TMPRSS9: variants seen among roughly 807,000 people sequenced by gnomAD.
The protein encoded by TMPRSS9 is transmembrane protease serine 9.
Under a neutral mutation model 111.4 loss-of-function variants are expected in TMPRSS9, and 113 were observed. The observed-to-expected ratio is 1.01, with a 90% CI of 0.87 to 1.19. The LOEUF is 1.19. TMPRSS9 is among the 50% of genes most tolerant of loss of function. TMPRSS9 has a pLI of 0.00. For synonymous variants in TMPRSS9, 805 were observed against 659.1 expected, an observed-to-expected ratio of 1.22 and a Z score of -3.39; for missense variants, 1,803 against 1,513.1, an observed-to-expected ratio of 1.19 and a Z score of -3.18.
chr19:2,420,687 G>T (rs1480246728), intron 13 of TMPRSS9, among the ~76,000 whole-genome samples: 6 of 151,984 alleles, frequency 3.9e-5, no homozygotes, highest in Admixed American at 3.9e-4. Context: ...AACCTCTCTG[G>T]GACTCTGATC....
chr19:2,370,545 G>T (rs1599274893), intron 1 of TMPRSS9, among the ~76,000 whole-genome samples: 2 of 152,046 alleles, frequency 1.3e-5, no homozygotes, highest in South Asian at 4.2e-4. Context: ...CCTCAGGCTG[G>T]TCTCAACCCC....
chr19:2,383,795 C>T (rs972749160), intron 1 of TMPRSS9, among the ~76,000 whole-genome samples: 4 of 150,174 alleles, frequency 2.7e-5, no homozygotes, highest in African/African-American at 7.3e-5. Flanking sequence ...CAGAGTGAGA[C>T]CCCCCCATCT....
At chr19:2,395,651 G>A (rs764594526) in intron 1 of TMPRSS9, among the ~76,000 whole-genome samples, 4 of 151,206 alleles carry the variant, frequency 2.6e-5, no homozygotes, top group African/African-American at 4.9e-5. Context: ...GGAGGCGGAG[G>A]TTACAGTGAG....
intron 9 of TMPRSS9, 79 bp downstream of exon 10, chr19:2,410,473 T>TA: frequency 6.5e-7 from 1 of 1,546,596 alleles, no homozygotes; most frequent in Non-Finnish European, 8.7e-7. Flanking sequence ...AATTCACAGA[T>TA]ATCTGGATGC....
intron 1 of TMPRSS9, among the ~76,000 whole-genome samples, chr19:2,390,389 GC>G (rs1568175194): frequency 3.3e-5 from 5 of 150,162 alleles, no homozygotes; most frequent in Non-Finnish European, 7.4e-5. Flanking sequence ...GACTACAGGC[GC>G]CCGCCACCAC....
rs1198106187 is a variant in TMPRSS9 at position 2,390,231 on chromosome 19, G to GTTTTTTTTTTTTTTTTTTTTTTTT, written c.142+315_142+316insTTTTTTTTTTTTTTTTTTTTTTTT. On this transcript the variant is annotated intron_variant, in intron 1 of 17. Transcript: ENST00000648592. ...GCAAATCAGCAAAATACCCAAAGTAGTTTTTTTTTTTGTTTTTTTTTTTTT... is the reference window on the plus strand; with the variant it reads ...GCAAATCAGCAAAATACCCAAAGTAGTTTTTTTTTTTTTTTTTTTTTTTTTTTTTTTTTTTGTTTTTTTTTTTTT... 3.6e-5 allele frequency among the ~76,000 whole-genome samples: 4 copies of GTTTTTTTTTTTTTTTTTTTTTTTT among 110,570 alleles called. 2 individuals carry two copies. The highest frequency in any genetic ancestry group is 7.2e-5 in the African/African-American group (2 of 27,906). The allele number at this position is 110,570 out of a possible 152,430, so 72.5% of individuals were successfully genotyped here. A position where few individuals can be genotyped will look rare whatever the true frequency, so the allele number is the denominator to read the frequency against.
exon 10 of TMPRSS9, chr19:2,413,950 C>A (rs778738638): frequency 9.3e-6 from 15 of 1,611,940 alleles, no homozygotes; most frequent in Non-Finnish European, 1.3e-5. Context: ...GTGGTCAGCA[C>A]CCCCACCAAA....
chr19:2,397,110 G>A (rs1431043071), intron 2 of TMPRSS9, among the ~76,000 whole-genome samples: 4 of 151,516 alleles, frequency 2.6e-5, no homozygotes, highest in Non-Finnish European at 4.4e-5. Flanking sequence ...TAGTAGAGAC[G>A]GGGTTTCACC....
chr19:2,405,691 G>A, intron 7 of TMPRSS9, 146 bp downstream of exon 8: 1 of 740,380 alleles, frequency 1.4e-6, no homozygotes, highest in Non-Finnish European at 1.9e-6. Context: ...TGCTGTTGTT[G>A]AATCTGAGGG....
intron 1 of TMPRSS9, among the ~76,000 whole-genome samples, chr19:2,378,982 C>T (rs1008182906): frequency 1.3e-5 from 2 of 152,036 alleles, no homozygotes; most frequent in African/African-American, 2.4e-5. Context: ...TTAATGATCT[C>T]CACCTAGTCC....
rs370998175 is a variant in TMPRSS9 at position 2,408,305 on chromosome 19, C to T, written c.843-51C>T. The T allele has an allele frequency of 4.9e-5, 77 of 1,584,592 alleles. 1 individual carries two copies. Among genetic ancestry groups the T allele is most frequent in the East Asian group, 4.7e-4 (21 of 44,342 alleles). On this transcript the variant is annotated intron_variant, in intron 7 of 17. Transcript: ENST00000648592. ...CAAGGCGAGTGTCCCGTCTGCCTCCCCCGACGGCTCTGACCCTCGGTGGCT... is the reference window on the plus strand; with the variant it reads ...CAAGGCGAGTGTCCCGTCTGCCTCCTCCGACGGCTCTGACCCTCGGTGGCT...
At chr19:2,425,631 T>G (rs1971603868) in intron 17 of TMPRSS9, 138 bp downstream of exon 18, 5 of 1,370,574 alleles carry the variant, frequency 3.6e-6, no homozygotes, top group Non-Finnish European at 4.7e-6. Context: ...GGAGCCTTTT[T>G]GGCTCTGGAG....
chr19:2,386,729 C>T (rs1196971584), upstream of TMPRSS9, among the ~76,000 whole-genome samples: 6 of 152,216 alleles, frequency 3.9e-5, no homozygotes, highest in East Asian at 7.7e-4. Flanking sequence ...CAGTGGCTCA[C>T]ACCTGTCATC....
At chr19:2,402,043 C>T in intron 5 of TMPRSS9, 27 bp downstream of exon 6, 1 of 1,606,020 alleles carries the variant, frequency 6.2e-7, no homozygotes. Context: ...GGCCTTTTCT[C>T]TGATTGCAGT....
At chr19:2,376,003 C>T (rs563786476) in intron 1 of TMPRSS9, among the ~76,000 whole-genome samples, 1 of 152,078 alleles carries the variant, frequency 6.6e-6, no homozygotes, top group Non-Finnish European at 1.5e-5. Context: ...CGGCTCTCTC[C>T]GAAGTCAGCA....
exon 12 of TMPRSS9, chr19:2,416,748 G>T (rs764341567): frequency 1.2e-6 from 2 of 1,612,974 alleles, no homozygotes; most frequent in Non-Finnish European, 1.7e-6. Context: ...TGGCCATCCA[G>T]AAGTTCCCTG....
chr19:2,423,384 C>T (rs936038602), intron 14 of TMPRSS9, among the ~76,000 whole-genome samples: 12 of 149,426 alleles, frequency 8.0e-5, no homozygotes, highest in South Asian at 2.1e-4. Context: ...CAGGGCCAGA[C>T]GGTGCCAAGG....
At chr19:2,385,192 GGCGGGGCTCGA>G (rs1970453605), upstream of TMPRSS9, among the ~76,000 whole-genome samples, 1 of 104,154 alleles carries the variant, frequency 9.6e-6, no homozygotes, top group African/African-American at 5.6e-5. Context: ...GGCTCGCGGG[GGCGGGGCTCGA>G]GGGGGCGGGG....
rs1970862155 is a variant in TMPRSS9, at chr19:2,402,098, A to G, written c.556+82A>G. 2.7e-5 allele frequency: 39 copies of G among 1,441,082 alleles called. No homozygotes were observed. The South Asian group carries it at 4.3e-4, about 16-fold the overall frequency. 89.3% of individuals were successfully genotyped at this position (1,441,082 alleles called of 1,614,324 possible). A position where few individuals can be genotyped will look rare whatever the true frequency, so the allele number is the denominator to read the frequency against. The stretch of plus-strand genomic sequence containing the variant: ...AGACTCATTTCAAGGAAGTGAAGGA[A>G]TCCCTGGAACGAGGCTGGGCGCGGT... On this transcript the variant is annotated intron_variant, in intron 5 of 17. Transcript: ENST00000648592.
Sources: gnomAD v4.1 joint callset for allele counts (sites outside exome capture counted in the v4.1 genomes callset) on GRCh38, gnomAD v4.1.1 for gene constraint, MANE v1.5 for transcripts, NCBI Gene and HGNC (gene_info 2026-07-23, HGNC 2026-07-21) for gene names.